DNMT1: variants seen among roughly 807,000 people sequenced by gnomAD.
The protein encoded by DNMT1 is DNA (cytosine-5)-methyltransferase 1.
Under a neutral mutation model 205.3 loss-of-function variants are expected in DNMT1, and 24 were observed. The observed-to-expected ratio is 0.12, with a 90% CI of 0.08 to 0.16. DNMT1 has a LOEUF of 0.16. DNMT1 is among the 10% of genes least tolerant of loss of function. The pLI, the probability that DNMT1 is intolerant of heterozygous loss-of-function variation, is 1.00. For missense variants in DNMT1, 1,293 were observed against 2,177.7 expected, an observed-to-expected ratio of 0.59 and a Z score of 8.09; for synonymous variants, 817 against 839.8, an observed-to-expected ratio of 0.97 and a Z score of 0.47.
intron 5 of DNMT1, among the ~76,000 whole-genome samples, chr19:10,177,901 C>A (rs1202952063): frequency 1.4e-5 from 2 of 145,802 alleles, no homozygotes; most frequent in Non-Finnish European, 3.0e-5. Context: ...CCACTGTACA[C>A]AGCCTTGGCG....
chr19:10,175,302 C>A (rs2038918519), intron 7 of DNMT1, among the ~76,000 whole-genome samples: 1 of 151,910 alleles, frequency 6.6e-6, no homozygotes, highest in Non-Finnish European at 1.5e-5. Flanking sequence ...CAACTATGTA[C>A]CCATAAAAAC....
At chr19:10,134,934 C>T (rs1316494218) in intron 39 of DNMT1, among the ~76,000 whole-genome samples, 10 of 137,776 alleles carry the variant, frequency 7.3e-5, no homozygotes, top group African/African-American at 2.4e-4. Flanking sequence ...CTTCCCTGGC[C>T]GGCGCAGTGG....
At chr19:10,135,920 G>A in intron 38 of DNMT1, 68 bp from the exon 39 acceptor site, 1 of 1,516,006 alleles carries the variant, frequency 6.6e-7, no homozygotes, top group Non-Finnish European at 8.9e-7. Context: ...GGGACAGGGA[G>A]GGAAATGGCA....
In DNMT1 at chr19:10,163,401, G is replaced by A. The variant is rs1262076587; in HGVS notation, c.892-41C>T. The A allele has an allele frequency of 3.1e-6, 5 of 1,603,092 alleles. No homozygotes were observed. In the East Asian group the frequency reaches 1.1e-4, roughly 36 times the overall value. ...GGGGGAGGTAGAGAGATAAAGAAGG[G>A]AAAAAATTAGTTTCTGAGCCAGAGT... On this transcript the variant is annotated intron_variant, in intron 11 of 40. Coordinates refer to ENST00000359526, the MANE Select transcript of DNMT1 (RefSeq NM_001130823.3).
At position 10,148,897 on chromosome 19, in the gene DNMT1, C is replaced by T. The variant is rs2038267123; in HGVS notation, c.2707G>A (p.Asp903Asn). The change falls in exon 27 of 41, where the codon GAC becomes AAC. Residue 903 changes from aspartate (D) to asparagine (N), a missense_variant. Around this residue, in one of 13 missense-constraint regions of DNMT1, gnomAD observed 112 missense variants for 116.6 expected, o/e 0.96. Transcript: ENST00000359526. ...CCCAGTGCTCACTTGAACTTGTTGT[C>T]CTCTGTTGGCTGGGTTTTTGGAGGG... ...ESPPKTQPTE[D>N]NKFKFCVSCA... 6.2e-7 allele frequency: 1 copy of T among 1,614,042 alleles called. No individual in the cohort carries two copies. Among genetic ancestry groups the T allele is most frequent in the South Asian group, 1.1e-5 (1 of 91,082 alleles).
chr19:10,193,172 G>A (rs2039333866), intron 1 of DNMT1, among the ~76,000 whole-genome samples: 1 of 152,048 alleles, frequency 6.6e-6, no homozygotes, highest in Non-Finnish European at 1.5e-5. Flanking sequence ...TGGGCAATAT[G>A]GTGAAACCTC....
chr19:10,181,154 G>A (rs956965606), intron 2 of DNMT1, among the ~76,000 whole-genome samples: 5 of 152,154 alleles, frequency 3.3e-5, no homozygotes, highest in African/African-American at 1.2e-4. Flanking sequence ...CTGTGCTTCT[G>A]TAAAGTGTCG....
At position 10,166,726 on chromosome 19, in the gene DNMT1, G is replaced by C. The variant is rs573064863; in HGVS notation, c.804-41C>G. On this transcript the variant is annotated intron_variant, in intron 10 of 40. Coordinates refer to ENST00000359526, the MANE Select transcript of DNMT1 (RefSeq NM_001130823.3). Reference sequence around the variant, plus strand: ...ACACACACACAGGCTGGTCAGCTCGGGGGGGGCCCTGCACCGGGGCCAACA... The same window carrying C: ...ACACACACACAGGCTGGTCAGCTCGCGGGGGGCCCTGCACCGGGGCCAACA... 27 of 1,611,628 alleles carry C rather than the reference G, an allele frequency of 1.7e-5. No homozygotes were observed. The African/African-American group carries it at 1.9e-4, about 11-fold the overall frequency.
At position 10,139,691 on chromosome 19, in the gene DNMT1, G is replaced by C; in HGVS notation, c.3933C>G (p.Thr1311=). ...CAGGGCCCACCTGCAGCACGCCGAA[G>C]GTGCACTGATAGCCCATGCGGACCA... ...RCLVRMGYQC[T]FGVLQAGQYG... Residue 1311 remains threonine, a synonymous_variant, in exon 34 of 41, where the codon ACC becomes ACG. Transcript: ENST00000359526. 1.2e-6 allele frequency: 2 copies of C among 1,613,520 alleles called. No individual in the cohort carries two copies. Among genetic ancestry groups the C allele is most frequent in the Non-Finnish European group, 1.7e-6 (2 of 1,179,958 alleles).
intron 9 of DNMT1, among the ~76,000 whole-genome samples, chr19:10,169,547 G>T (rs559331704): frequency 6.7e-6 from 1 of 148,808 alleles, no homozygotes; most frequent in South Asian, 2.1e-4. Context: ...ACAAGAGCGA[G>T]ATTCCGTCTC....
chr19:10,188,235 C>A (rs1039165397), intron 1 of DNMT1, among the ~76,000 whole-genome samples: 2 of 152,114 alleles, frequency 1.3e-5, no homozygotes, highest in South Asian at 4.1e-4. Context: ...AGAAGGCATC[C>A]GCAGTAGGCA....
At chr19:10,183,068 T>C (rs2039105871) in intron 1 of DNMT1, among the ~76,000 whole-genome samples, 1 of 149,372 alleles carries the variant, frequency 6.7e-6, no homozygotes, top group Non-Finnish European at 1.5e-5. Context: ...TATATATGTA[T>C]ACATATGTGT....
intron 9 of DNMT1, among the ~76,000 whole-genome samples, chr19:10,171,047 A>C (rs983037263): frequency 1.3e-5 from 2 of 151,996 alleles, no homozygotes; most frequent in African/African-American, 4.8e-5. Flanking sequence ...AGCTCAAGCG[A>C]TCCACCCACC....
chr19:10,159,278 C>T lies in DNMT1; in HGVS notation c.1280+380G>A, dbSNP rs748898184. On this transcript the variant is annotated intron_variant, in intron 17 of 40. Coordinates refer to ENST00000359526, the MANE Select transcript of DNMT1 (RefSeq NM_001130823.3). This position sits in a 1 kb window ranked among gnomAD's most constrained non-coding sequence, Gnocchi z 5.0. ...TCGCCCAGGCTGGAATGCAGTGGCACCACCTCGGCTCACTGCAGCCTCCGC... is the reference window on the plus strand; with the variant it reads ...TCGCCCAGGCTGGAATGCAGTGGCATCACCTCGGCTCACTGCAGCCTCCGC... 6.4e-4 allele frequency among the ~76,000 whole-genome samples: 97 copies of T among 152,238 alleles called. 1 individual carries two copies. The highest frequency in any genetic ancestry group is 4.6e-4 in the Admixed American group (7 of 15,284).
rs1599372189 is a variant in DNMT1, at chr19:10,160,148, G to A, written c.1044-85C>T. The A allele has an allele frequency of 3.1e-5, 50 of 1,599,488 alleles. No individual in the cohort carries two copies. The East Asian group carries it at 3.8e-4, about 12-fold the overall frequency. On this transcript the variant is annotated intron_variant, in intron 14 of 40. Coordinates refer to ENST00000359526, the MANE Select transcript of DNMT1 (RefSeq NM_001130823.3). ...TCGCCCCTGTGAGGTTTCTGCCTGA[G>A]GTGCCTGTGGCACAGGGAGGCACCG...
chr19:10,165,913 C>T (rs767943360), intron 11 of DNMT1, among the ~76,000 whole-genome samples: 5 of 152,112 alleles, frequency 3.3e-5, no homozygotes, highest in East Asian at 3.9e-4. Flanking sequence ...CACTGGCGAC[C>T]GGGTCAGAAG....
chr19:10,181,974 C>T (rs904042665), intron 2 of DNMT1, 67 bp downstream of exon 2: 1 of 1,427,642 alleles, frequency 7.0e-7, no homozygotes, highest in South Asian at 1.2e-5. Context: ...AAACAAATTT[C>T]TTTTTATGAG....
chr19:10,172,417 A>AC (rs1389317414), intron 9 of DNMT1, among the ~76,000 whole-genome samples: 1 of 151,932 alleles, frequency 6.6e-6, no homozygotes, highest in East Asian at 1.9e-4. Context: ...AAAAAAAAAA[A>AC]AAAAAAAGTT....
Position 10,154,518 on chromosome 19 carries a change from G to A in DNMT1, c.1833-39C>T. 1 of 1,614,158 alleles carries A rather than the reference G, an allele frequency of 6.2e-7. No individual in the cohort carries two copies. The highest frequency in any genetic ancestry group is 8.5e-7 in the Non-Finnish European group (1 of 1,180,036). ...TCCAGCATCTCAGAGGACTGGGACAGAGGATGTGGGCCATGCTCTACCCTC... is the reference window on the plus strand; with the variant it reads ...TCCAGCATCTCAGAGGACTGGGACAAAGGATGTGGGCCATGCTCTACCCTC... On this transcript the variant is annotated intron_variant, in intron 21 of 40. Coordinates refer to ENST00000359526, the MANE Select transcript of DNMT1 (RefSeq NM_001130823.3). The surrounding 1 kb of genome is among the most constrained non-coding windows in gnomAD (Gnocchi z 6.3).
Sources: gnomAD v4.1 joint callset for allele counts (sites outside exome capture counted in the v4.1 genomes callset) on GRCh38, gnomAD v4.1.1 for gene constraint, gnomAD v4.1.1 regional missense constraint, Gnocchi (gnomAD v3.1) non-coding constraint, MANE v1.5 for transcripts, NCBI Gene and HGNC (gene_info 2026-07-23, HGNC 2026-07-21) for gene names.